Variants in WWC2 observed in about 807,000 individuals in gnomAD.
The protein encoded by WWC2 is protein WWC2.
In WWC2, 101 loss-of-function variants were observed where a neutral mutation model predicts 138.5. That is an observed-to-expected ratio of 0.73 (90% CI 0.62 to 0.86). WWC2 has a LOEUF of 0.86. Among genes scored for constraint, WWC2 ranks in the 40% least tolerant of loss-of-function variants. The probability of loss-of-function intolerance (pLI) is 0.00; values close to 1 mark genes in which losing one functional copy is unlikely to be tolerated. For synonymous variants in WWC2, 558 were observed against 538.4 expected (o/e 1.04, Z -0.50); for missense variants, 1,420 against 1,419.4 (o/e 1.00, Z -0.01).
intron 10 of WWC2, among the ~76,000 whole-genome samples, chr4:183,260,239 A>G (rs536718831): frequency 3.3e-5 from 5 of 152,274 alleles, no homozygotes; most frequent in South Asian, 4.1e-4. Context: ...CTTGCTTTCA[A>G]TATTTTTTAA....
At chr4:183,280,498 C>A (rs1738034375) in intron 16 of WWC2, among the ~76,000 whole-genome samples, 1 of 152,024 alleles carries the variant, frequency 6.6e-6, no homozygotes, top group South Asian at 2.1e-4. Context: ...GACAAATACG[C>A]TAAGGGAAAA....
chr4:183,135,113 G>A (rs1180364695), intron 1 of WWC2, among the ~76,000 whole-genome samples: 1 of 151,744 alleles, frequency 6.6e-6, no homozygotes, highest in East Asian at 1.9e-4. Context: ...TAGTAGAGAT[G>A]GGGTTTCACC....
chr4:183,165,391 A>G (rs922687484), intron 1 of WWC2, among the ~76,000 whole-genome samples: 3 of 152,180 alleles, frequency 2.0e-5, no homozygotes, highest in African/African-American at 7.2e-5. Flanking sequence ...ATATTTGAGC[A>G]TTAAGGGTCA....
intron 1 of WWC2, among the ~76,000 whole-genome samples, chr4:183,107,354 GT>G (rs1743400850): frequency 6.6e-6 from 1 of 152,094 alleles, no homozygotes; most frequent in Non-Finnish European, 1.5e-5. Flanking sequence ...TAGAGACGGG[GT>G]TGGGCCGGTC....
intron 22 of WWC2, among the ~76,000 whole-genome samples, chr4:183,313,201 G>A (rs1048906775): frequency 6.6e-6 from 1 of 152,198 alleles, no homozygotes; most frequent in Non-Finnish European, 1.5e-5. Flanking sequence ...GGAGTTGCCA[G>A]CTGGTGAGCC....
At chr4:183,222,189 C>A (rs1322602582) in intron 4 of WWC2, among the ~76,000 whole-genome samples, 1 of 152,006 alleles carries the variant, frequency 6.6e-6, no homozygotes, top group Non-Finnish European at 1.5e-5. Context: ...CCTGGTGGTA[C>A]ATGATTATAT....
chr4:183,275,665 G>C lies in WWC2; in HGVS notation c.2562+4424G>C, dbSNP rs968573074. ...CTAGGATAAATCTCACTTGGTCATA[G>C]TGTAGATCCTTTGTATGTTGTTGGA... On this transcript the variant is annotated intron_variant, in intron 16 of 22. Coordinates refer to ENST00000403733, the MANE Select transcript of WWC2 (RefSeq NM_024949.6). 2.0e-5 allele frequency among the ~76,000 whole-genome samples: 3 copies of C among 152,050 alleles called. No individual in the cohort carries two copies. In the South Asian group the frequency reaches 6.2e-4, roughly 32 times the overall value.
At chr4:183,237,314 A>C (rs1262807060) in intron 4 of WWC2, among the ~76,000 whole-genome samples, 1 of 149,600 alleles carries the variant, frequency 6.7e-6, no homozygotes, top group East Asian at 1.9e-4. Flanking sequence ...TTTTTTTTTC[A>C]AAAGATAAAA....
intron 1 of WWC2, among the ~76,000 whole-genome samples, chr4:183,135,855 C>T (rs1579974246): frequency 6.6e-6 from 1 of 152,266 alleles, no homozygotes; most frequent in East Asian, 1.9e-4. Flanking sequence ...GTTATTTTCT[C>T]ACAGTACACT....
In WWC2 at chr4:183,265,913, A is replaced by G. The variant is rs747535459; in HGVS notation, c.2169A>G (p.Arg723=). Residue 723 remains arginine, a synonymous_variant, in exon 14 of 23, where the codon CGA becomes CGG. Coordinates refer to ENST00000403733, the MANE Select transcript of WWC2 (RefSeq NM_024949.6). ...TCATGGTGATTATAGCACAGCTCCG[A>G]AACCTTCATGCCTTCTTGATACCTC... ...SSFMVIIAQL[R]NLHAFLIPHT... is the part of the protein sequence containing the mutation. 6.2e-7 allele frequency: 1 copy of G among 1,613,470 alleles called. No individual in the cohort carries two copies. Among genetic ancestry groups the G allele is most frequent in the South Asian group, 1.1e-5 (1 of 90,840 alleles).
chr4:183,249,814 C>A, intron 7 of WWC2, 106 bp from the exon 8 acceptor site: 1 of 853,492 alleles, frequency 1.2e-6, no homozygotes, highest in South Asian at 1.9e-5. Flanking sequence ...ATTTCAGTAC[C>A]ATCTTCTTTA....
rs1743296892 is a variant in WWC2, at chr4:183,104,798, G to A, written c.131+5176G>A. On this transcript the variant is annotated intron_variant, in intron 1 of 22. Transcript: ENST00000403733. ...GAGTGAACAGTACTATAGTTGCTTAGTATATTGGAGGGTCTAAGAGTTCTC... is the reference window on the plus strand; with the variant it reads ...GAGTGAACAGTACTATAGTTGCTTAATATATTGGAGGGTCTAAGAGTTCTC... Among the ~76,000 whole-genome samples the A allele has an allele frequency of 2.0e-5, 3 of 152,302 alleles. 1 individual carries two copies. The South Asian group carries it at 6.2e-4, about 32-fold the overall frequency.
At position 183,099,574 on chromosome 4, in the gene WWC2, A is replaced by G. The variant is rs1023611022; in HGVS notation, c.83A>G (p.Tyr28Cys). ...AGGGACTACGACGGCAAGGTCTTCT[A>G]CATTGACCACAACACCAGGAGGACC... Reference protein sequence around the residue: ...EARDYDGKVFYIDHNTRRTSW... With the variant: ...EARDYDGKVFCIDHNTRRTSW... Residue 28 changes from tyrosine to cysteine, a missense_variant, in exon 1 of 23, where the codon TAC becomes TGC. By Grantham distance (194) the Tyr-to-Cys change is radical. Coordinates refer to ENST00000403733, the MANE Select transcript of WWC2 (RefSeq NM_024949.6). 2.1e-6 allele frequency: 3 copies of G among 1,411,736 alleles called. No homozygotes were observed. The highest frequency in any genetic ancestry group is 1.9e-4 in the Middle Eastern group (1 of 5,356). 87.5% of individuals were successfully genotyped at this position (1,411,736 alleles called of 1,614,324 possible).
intron 1 of WWC2, among the ~76,000 whole-genome samples, chr4:183,167,955 A>T (rs938698702): frequency 6.6e-6 from 1 of 150,944 alleles, no homozygotes; most frequent in African/African-American, 2.4e-5. Context: ...TCCTGGGTTC[A>T]AGCGATTCTC....
In WWC2 at chr4:183,271,137, T is replaced by C. The variant is rs1737683203; in HGVS notation, c.2458T>C (p.Trp820Arg). ...LPFSSEVFTLWYNLLPSKQMP... is the reference protein window; with the variant it reads ...LPFSSEVFTLRYNLLPSKQMP... ...ATTTTCCAGTGAGGTTTTCACTCTATGGTATAACTTGCTTCCTTCCAAGCA... is the reference window on the plus strand; with the variant it reads ...ATTTTCCAGTGAGGTTTTCACTCTACGGTATAACTTGCTTCCTTCCAAGCA... Residue 820 changes from tryptophan (W) to arginine (R), a missense_variant, in exon 16 of 23, where the codon TGG becomes CGG. Physicochemically the swap from Trp to Arg is moderately radical, Grantham distance 101. Transcript: ENST00000403733. 5.6e-6 allele frequency: 9 copies of C among 1,612,872 alleles called. No individual in the cohort carries two copies. The highest frequency in any genetic ancestry group is 1.7e-5 in the Admixed American group (1 of 59,930).
chr4:183,154,852 G>A (rs6552641), intron 1 of WWC2, among the ~76,000 whole-genome samples: 144,791 of 152,160 alleles, frequency 0.95, 69,315 homozygotes, highest in Non-Finnish European at 1. Flanking sequence ...GCTCAGAACC[G>A]CTCTACTGCC....
Position 183,253,761 on chromosome 4 carries a change from G to A in WWC2, c.958G>A (p.Ala320Thr), listed in dbSNP as rs765752006. The change falls in exon 9 of 23, where the codon GCC becomes ACC. Residue 320 changes from alanine to threonine, a missense_variant. By Grantham distance (58) the Ala-to-Thr change is moderately conservative. Coordinates refer to ENST00000403733, the MANE Select transcript of WWC2 (RefSeq NM_024949.6). ...LQYEEAKRSM[A>T]NLKIELSKLD... ...CTTCTATCTTTTTTTTTTTAGTATG[G>A]CCAACTTAAAAATTGAACTGTCAAA... 5.0e-6 allele frequency: 8 copies of A among 1,603,722 alleles called. No individual in the cohort carries two copies.
chr4:183,177,130 G>A (rs1734491722), intron 1 of WWC2, among the ~76,000 whole-genome samples: 1 of 152,190 alleles, frequency 6.6e-6, no homozygotes, highest in African/African-American at 2.4e-5. Flanking sequence ...CATGATAATA[G>A]CATTAAAGAA....
Position 183,280,808 on chromosome 4 carries a change from A to G in WWC2, c.2595A>G (p.Ser865=). ...TGTCAGCCTTACTTGCAAGAACATCAGCTGAGTTGTTAGCTGTGGAACAAG... is the reference window on the plus strand; with the variant it reads ...TGTCAGCCTTACTTGCAAGAACATCGGCTGAGTTGTTAGCTGTGGAACAAG... ...DAVSALLART[S]AELLAVEQEL... The change falls in exon 17 of 23, where the codon TCA becomes TCG. Residue 865 remains serine (S), a synonymous_variant. Coordinates refer to ENST00000403733, the MANE Select transcript of WWC2 (RefSeq NM_024949.6). The G allele has an allele frequency of 6.9e-6, 11 of 1,604,622 alleles. No individual in the cohort carries two copies. Among genetic ancestry groups the G allele is most frequent in the Non-Finnish European group, 9.4e-6 (11 of 1,175,520 alleles).
Sources: gnomAD v4.1 joint callset for allele counts (sites outside exome capture counted in the v4.1 genomes callset) on GRCh38, gnomAD v4.1.1 for gene constraint, MANE v1.5 for transcripts, NCBI Gene and HGNC (gene_info 2026-07-23, HGNC 2026-07-21) for gene names.